Variants in ABCB5 observed in about 807,000 individuals in gnomAD.
ABCB5 encodes the protein ATP-binding cassette sub-family B member 5.
Under a neutral mutation model 144.2 loss-of-function variants are expected in ABCB5, and 155 were observed. The ratio of observed to expected loss-of-function variants is 1.08; its 90% CI spans 0.94 to 1.23. The LOEUF (loss-of-function observed/expected upper bound fraction) is 1.23, where lower values mean the gene tolerates loss of function less well. Among genes scored for constraint, ABCB5 ranks in the 50% most tolerant of loss-of-function variants. The pLI, the probability that ABCB5 is intolerant of heterozygous loss-of-function variation, is 0.00. For synonymous variants in ABCB5, 610 were observed against 528.6 expected (o/e 1.15, Z -2.11); for missense variants, 1,830 against 1,520.8 (o/e 1.20, Z -3.38).
At chr7:20,744,493 C>T (rs964019630) in intron 25 of ABCB5, among the ~76,000 whole-genome samples, 1 of 152,224 alleles carries the variant, frequency 6.6e-6, no homozygotes, top group East Asian at 1.9e-4. Flanking sequence ...CCATACCCTC[C>T]CCACTGCCTC....
Position 20,632,128 on chromosome 7 carries a change from A to G in ABCB5, c.314+15A>G, listed in dbSNP as rs1784052991. 6.7e-7 allele frequency: 1 copy of G among 1,486,516 alleles called. No individual in the cohort carries two copies. The highest frequency in any genetic ancestry group is 2.5e-5 in the East Asian group (1 of 40,004). 92.1% of individuals were successfully genotyped at this position (1,486,516 alleles called of 1,614,324 possible). A position where few individuals can be genotyped will look rare whatever the true frequency, so the allele number is the denominator to read the frequency against. ...GATATGACTCTGTAAGTCCAAATGA[A>G]ACGTTAATATCACATTCGTTGAATG... is the stretch of plus-strand genomic sequence containing the variant. On this transcript the variant is annotated intron_variant, in intron 5 of 27. Transcript: ENST00000404938.
At chr7:20,745,089 C>A in intron 25 of ABCB5, 143 bp from the exon 26 acceptor site, 1 of 839,722 alleles carries the variant, frequency 1.2e-6, no homozygotes, top group South Asian at 1.7e-5. Flanking sequence ...GATTTATGAG[C>A]CTTCCTTGGG....
intron 20 of ABCB5, among the ~76,000 whole-genome samples, chr7:20,705,954 G>A (rs964622156): frequency 3.3e-5 from 5 of 152,134 alleles, no homozygotes; most frequent in African/African-American, 1.2e-4. Flanking sequence ...TTATGATGGA[G>A]AAAGAGCTCG....
chr7:20,666,915 A>G (rs1286810283), intron 14 of ABCB5: 3 of 1,298,156 alleles, frequency 2.3e-6, no homozygotes, highest in African/African-American at 3.0e-5. Flanking sequence ...TCAGTTTTTT[A>G]GCAGGCTTTG....
At chr7:20,660,733 G>A (rs1286392552) in intron 14 of ABCB5, among the ~76,000 whole-genome samples, 1 of 152,164 alleles carries the variant, frequency 6.6e-6, no homozygotes, top group Non-Finnish European at 1.5e-5. Context: ...ACAGTTAACA[G>A]TTTTATGCTG....
intron 20 of ABCB5, among the ~76,000 whole-genome samples, chr7:20,719,489 G>A (rs1216875553): frequency 1.3e-5 from 2 of 152,112 alleles, no homozygotes; most frequent in Non-Finnish European, 2.9e-5. Context: ...GAGAGAAATC[G>A]TATCCAAAGT....
rs796374191 is a variant in ABCB5 at position 20,644,378 on chromosome 7, G to A, written c.678+746G>A. ...GCAGGCCAGTGAGCCACCGCACCCA[G>A]CCAAGTTTATACTTCAGTAAGGCTT... On this transcript the variant is annotated intron_variant, in intron 7 of 27. Transcript: ENST00000404938. Among the ~76,000 whole-genome samples, 11 of 152,242 alleles carry A rather than the reference G, an allele frequency of 7.2e-5. No homozygotes were observed. The East Asian group carries it at 1.5e-3, about 21-fold the overall frequency.
At chr7:20,649,931 T>G in intron 11 of ABCB5, 91 bp from the exon 12 acceptor site, 1 of 1,387,876 alleles carries the variant, frequency 7.2e-7, no homozygotes, top group Non-Finnish European at 9.6e-7. Context: ...AAGAATTTGT[T>G]TTTGGTTATA....
At chr7:20,709,749 A>G (rs1440075037) in intron 20 of ABCB5, among the ~76,000 whole-genome samples, 2 of 149,894 alleles carry the variant, frequency 1.3e-5, no homozygotes, top group Non-Finnish European at 3.0e-5. Context: ...ATAACCTAAG[A>G]CAGCCTAAAC....
chr7:20,661,587 G>A (rs1304626765), intron 14 of ABCB5, among the ~76,000 whole-genome samples: 1 of 145,358 alleles, frequency 6.9e-6, no homozygotes, highest in Admixed American at 7.0e-5. Flanking sequence ...CCAGGCTGGA[G>A]TGCAGTGGCA....
intron 23 of ABCB5, among the ~76,000 whole-genome samples, chr7:20,734,089 T>G (rs534142353): frequency 6.6e-6 from 1 of 152,148 alleles, no homozygotes; most frequent in Non-Finnish European, 1.5e-5. Flanking sequence ...CTATGCATAA[T>G]GTCAATAGAT....
At chr7:20,641,390 C>T (rs1422434536) in intron 5 of ABCB5, among the ~76,000 whole-genome samples, 6 of 151,772 alleles carry the variant, frequency 4.0e-5, no homozygotes, top group Non-Finnish European at 8.8e-5. Context: ...CTATAAAACA[C>T]TAGTGTGCAC....
At chr7:20,753,572 A>G in intron 27 of ABCB5, 66 bp downstream of exon 27, 2 of 1,528,688 alleles carry the variant, frequency 1.3e-6, no homozygotes, top group Non-Finnish European at 8.8e-7. Context: ...CATGGAGGAA[A>G]CCAAGGTAAG....
rs1465699787 is a variant in ABCB5, at chr7:20,753,211, C to T, written c.3430-149C>T. Reference sequence around the variant, plus strand: ...CTGCGGCTTTAGCATTTATTTGCAACAAAGCCCAAGAATAGATTTCAACAT... The same window carrying T: ...CTGCGGCTTTAGCATTTATTTGCAATAAAGCCCAAGAATAGATTTCAACAT... On this transcript the variant is annotated intron_variant, in intron 26 of 27. Coordinates refer to ENST00000404938, the MANE Select transcript of ABCB5 (RefSeq NM_001163941.2). 5 of 952,082 alleles carry T rather than the reference C, an allele frequency of 5.3e-6. No individual in the cohort carries two copies. In the Admixed American group the frequency reaches 1.2e-4, roughly 23 times the overall value. 59.0% of individuals were successfully genotyped at this position (952,082 alleles called of 1,614,324 possible).
At chr7:20,665,966 T>C (rs923063115) in intron 14 of ABCB5, among the ~76,000 whole-genome samples, 3 of 151,360 alleles carry the variant, frequency 2.0e-5, no homozygotes, top group Non-Finnish European at 4.4e-5. Context: ...GGTCAGGAGT[T>C]TGAGACCAGC....
intron 7 of ABCB5, among the ~76,000 whole-genome samples, chr7:20,645,191 T>C (rs1784375161): frequency 6.6e-6 from 1 of 152,232 alleles, no homozygotes; most frequent in African/African-American, 2.4e-5. Flanking sequence ...ATCTATTAAA[T>C]ACTTGCTAAG....
chr7:20,717,186 G>T (rs773335276), intron 20 of ABCB5, among the ~76,000 whole-genome samples: 2 of 150,078 alleles, frequency 1.3e-5, no homozygotes, highest in Non-Finnish European at 2.9e-5. Context: ...AACTTATGGT[G>T]GGGGGTGGGA....
chr7:20,674,118 A>G (rs1274917558), intron 14 of ABCB5, among the ~76,000 whole-genome samples: 2 of 151,988 alleles, frequency 1.3e-5, no homozygotes, highest in African/African-American at 2.4e-5. Flanking sequence ...TATAAACTCC[A>G]TGCCACATTG....
chr7:20,647,483 T>C, intron 9 of ABCB5, 52 bp from the exon 10 acceptor site: 3 of 1,507,248 alleles, frequency 2.0e-6, no homozygotes, highest in South Asian at 1.3e-5. Context: ...CATTCTATTG[T>C]CTTTCTTATA....
Sources: allele counts gnomAD v4.1 joint callset (sites outside exome capture counted in the v4.1 genomes callset), GRCh38; gene constraint gnomAD v4.1.1; transcripts MANE v1.5; gene names NCBI Gene and HGNC (gene_info 2026-07-23, HGNC 2026-07-21).